Variants in HTT-AS observed in about 807,000 individuals in gnomAD.
HTT-AS encodes HTT antisense RNA (head to head).
intron 1 of HTT-AS, among the ~76,000 whole-genome samples, chr4:3,070,498 T>A (rs1712147105): frequency 6.6e-6 from 1 of 152,130 alleles, no homozygotes; most frequent in African/African-American, 2.4e-5. Context: ...ATCTTGTTGG[T>A]CAGGCGGACT....
chr4:3,061,536 G>C (rs1711925689), intron 2 of HTT-AS, among the ~76,000 whole-genome samples: 1 of 151,992 alleles, frequency 6.6e-6, no homozygotes, highest in African/African-American at 2.4e-5. Flanking sequence ...CAAAAAATTA[G>C]CTGGGCGTGG....
At chr4:3,057,227 G>T (rs977194438) in intron 2 of HTT-AS, among the ~76,000 whole-genome samples, 1 of 152,034 alleles carries the variant, frequency 6.6e-6, no homozygotes, top group Non-Finnish European at 1.5e-5. Context: ...TAGAGACGGG[G>T]TTTCACCGTG....
intron 2 of HTT-AS, among the ~76,000 whole-genome samples, chr4:3,053,511 T>A (rs559428434): frequency 6.6e-6 from 1 of 152,214 alleles, no homozygotes; most frequent in Non-Finnish European, 1.5e-5. Context: ...CAAGTCTGGA[T>A]GACAGAGTGA....
At chr4:3,069,955 GC>G (rs1413246193) in intron 1 of HTT-AS, 2 of 152,208 alleles carry the variant, frequency 1.3e-5, no homozygotes, top group African/African-American at 4.8e-5. Context: ...TTCTTTTCCA[GC>G]CCCACCCCGC....
chr4:3,055,643 G>A (rs1005186869), intron 2 of HTT-AS, among the ~76,000 whole-genome samples: 2 of 152,114 alleles, frequency 1.3e-5, no homozygotes. Context: ...CATGCCTAAC[G>A]TGTAAGCCAG....
intron 1 of HTT-AS, among the ~76,000 whole-genome samples, chr4:3,070,437 C>A (rs996373680): frequency 1.3e-5 from 2 of 152,016 alleles, no homozygotes; most frequent in Non-Finnish European, 2.9e-5. Flanking sequence ...ATTACAGGCA[C>A]CTGCCACCAT....
intron 2 of HTT-AS, among the ~76,000 whole-genome samples, chr4:3,049,710 AG>A (rs1291348282): frequency 6.6e-6 from 1 of 152,166 alleles, no homozygotes; most frequent in Non-Finnish European, 1.5e-5. Context: ...TAGAATGCAA[AG>A]GGTTTGACCT....
chr4:3,048,450 T>C (rs1711642341), downstream of HTT-AS, among the ~76,000 whole-genome samples: 2 of 152,162 alleles, frequency 1.3e-5, no homozygotes, highest in African/African-American at 2.4e-5. Context: ...GAGACTATTA[T>C]TATGATTACT....
At chr4:3,049,939 C>G (rs1349138442) in intron 2 of HTT-AS, among the ~76,000 whole-genome samples, 5 of 144,292 alleles carry the variant, frequency 3.5e-5, no homozygotes, top group Non-Finnish European at 7.5e-5. Flanking sequence ...CACACACACA[C>G]ACACACACAT....
rs573906159 is a variant in HTT-AS, at chr4:3,057,580, T to C, written n.1380+4854A>G. Among the ~76,000 whole-genome samples the C allele has an allele frequency of 9.8e-5, 15 of 152,312 alleles. 1 individual carries two copies. In the East Asian group the frequency reaches 2.1e-3, roughly 22 times the overall value. ...CAAGGAATAGAGAATGGCTACTCCA[T>C]GGGCAGAGCAGCCCCGATGGCCGCT... On this transcript the variant is annotated intron_variant and non_coding_transcript_variant, in intron 2 of 2. Coordinates refer to ENST00000664062, the Ensembl canonical transcript of HTT-AS.
downstream of HTT-AS, among the ~76,000 whole-genome samples, chr4:3,047,746 G>C (rs1288545898): frequency 6.6e-6 from 1 of 152,224 alleles, no homozygotes; most frequent in Non-Finnish European, 1.5e-5. Flanking sequence ...CAGCCATCCG[G>C]AGGCCTGACC....
chr4:3,055,711 C>G (rs184717002), intron 2 of HTT-AS, among the ~76,000 whole-genome samples: 4 of 152,306 alleles, frequency 2.6e-5, no homozygotes, highest in African/African-American at 7.2e-5. Context: ...ATTGGCTTTA[C>G]GCTCAGCTTC....
intron 1 of HTT-AS, among the ~76,000 whole-genome samples, chr4:3,071,585 G>T (rs546358496): frequency 6.6e-6 from 1 of 152,128 alleles, no homozygotes; most frequent in Non-Finnish European, 1.5e-5. Flanking sequence ...AGGTCAGAGC[G>T]GCTGCTAGGG....
At chr4:3,059,511 A>G (rs1711882781) in intron 2 of HTT-AS, among the ~76,000 whole-genome samples, 1 of 152,142 alleles carries the variant, frequency 6.6e-6, no homozygotes, top group Non-Finnish European at 1.5e-5. Flanking sequence ...GTCATTTTAA[A>G]TGGCTTTTCA....
chr4:3,061,489 C>T (rs2960300), intron 2 of HTT-AS, among the ~76,000 whole-genome samples: 7,394 of 151,446 alleles, frequency 0.049, 394 homozygotes, highest in African/African-American at 0.14. Context: ...GAGAGCAGCC[C>T]GGCCAACATG....
intron 2 of HTT-AS, among the ~76,000 whole-genome samples, chr4:3,050,055 A>C (rs1711675387): frequency 6.6e-6 from 1 of 151,684 alleles, no homozygotes; most frequent in South Asian, 2.1e-4. Context: ...CAATGTATTT[A>C]ATTTGGATTA....
At chr4:3,062,247 C>T (rs941048992) in intron 2 of HTT-AS, among the ~76,000 whole-genome samples, 3 of 152,060 alleles carry the variant, frequency 2.0e-5, no homozygotes, top group South Asian at 2.1e-4. Context: ...CCAGGCTGGT[C>T]TAAAACCCCT....
chr4:3,055,978 G>A (rs1358148065), intron 2 of HTT-AS, among the ~76,000 whole-genome samples: 1 of 152,126 alleles, frequency 6.6e-6, no homozygotes, highest in East Asian at 1.9e-4. Flanking sequence ...AACCCAGTTT[G>A]GATCAGAAAT....
chr4:3,051,244 T>TA (rs1711698554), intron 2 of HTT-AS, among the ~76,000 whole-genome samples: 1 of 152,140 alleles, frequency 6.6e-6, no homozygotes, highest in Admixed American at 6.5e-5. Context: ...TTTGTATTTT[T>TA]AGTAGAGACG....
Sources: allele counts gnomAD v4.1 joint callset (sites outside exome capture counted in the v4.1 genomes callset), GRCh38; gene constraint gnomAD v4.1.1; transcripts MANE v1.5; gene names NCBI Gene and HGNC (gene_info 2026-07-23, HGNC 2026-07-21).